Variants in CNBD1 observed in about 807,000 individuals in gnomAD.
CNBD1 encodes cyclic nucleotide binding domain containing 1.
Under a neutral mutation model 54.4 loss-of-function variants are expected in CNBD1, and 71 were observed. That is an observed-to-expected ratio of 1.30 (90% CI 1.08 to 1.59). The LOEUF (loss-of-function observed/expected upper bound fraction) is 1.59. Ranked by LOEUF, CNBD1 falls within the 40% of genes most tolerant of loss-of-function variation. The pLI, the probability that CNBD1 is intolerant of heterozygous loss-of-function variation, is 0.00. For synonymous variants in CNBD1, 182 were observed against 170.7 expected, an observed-to-expected ratio of 1.07 and a Z score of -0.51; for missense variants, 659 against 518.0, an observed-to-expected ratio of 1.27 and a Z score of -2.64.
At chr8:86,913,901 C>T (rs1809143667) in intron 3 of CNBD1, among the ~76,000 whole-genome samples, 3 of 152,084 alleles carry the variant, frequency 2.0e-5, no homozygotes. Flanking sequence ...AGAGGCCCCG[C>T]CCTGGGAATG....
At chr8:86,904,831 CTG>C (rs1312843354) in intron 2 of CNBD1, among the ~76,000 whole-genome samples, 4 of 152,008 alleles carry the variant, frequency 2.6e-5, no homozygotes, top group African/African-American at 7.2e-5. Flanking sequence ...TTTAAAAAGA[CTG>C]AACTTCAAAA....
chr8:87,317,386 C>T (rs1365651113), intron 8 of CNBD1, among the ~76,000 whole-genome samples: 1 of 151,350 alleles, frequency 6.6e-6, no homozygotes, highest in Non-Finnish European at 1.5e-5. Flanking sequence ...TTTTTGTTTT[C>T]ATCTCACTCA....
intron 4 of CNBD1, among the ~76,000 whole-genome samples, chr8:87,134,133 G>T (rs939463225): frequency 6.6e-6 from 1 of 152,152 alleles, no homozygotes; most frequent in Admixed American, 6.5e-5. Flanking sequence ...TACTAACTGT[G>T]CAATTTAGTG....
intron 2 of CNBD1, among the ~76,000 whole-genome samples, chr8:86,897,002 T>G (rs73268032): frequency 0.019 from 2,939 of 152,148 alleles, 97 homozygotes; most frequent in African/African-American, 0.065. Flanking sequence ...ACTATAAAAG[T>G]TTGATAACTT....
chr8:87,079,458 C>A (rs1007910849), intron 4 of CNBD1, among the ~76,000 whole-genome samples: 2 of 152,000 alleles, frequency 1.3e-5, no homozygotes, highest in African/African-American at 4.8e-5. Flanking sequence ...GTCTCAGTTA[C>A]CTTCATATTT....
intron 4 of CNBD1, among the ~76,000 whole-genome samples, chr8:87,066,594 T>C (rs552254238): frequency 6.6e-6 from 1 of 152,068 alleles, no homozygotes; most frequent in South Asian, 2.1e-4. Flanking sequence ...GTCAAATATA[T>C]TGATTGTGTA....
chr8:87,126,649 T>C (rs540947087), intron 4 of CNBD1, among the ~76,000 whole-genome samples: 127 of 152,140 alleles, frequency 8.3e-4, no homozygotes, highest in South Asian at 3.5e-3. Context: ...TTTTAAATTT[T>C]GATGAAGTTT....
chr8:87,085,892 G>T (rs1811085688), intron 4 of CNBD1, among the ~76,000 whole-genome samples: 1 of 152,106 alleles, frequency 6.6e-6, no homozygotes, highest in South Asian at 2.1e-4. Context: ...TAGGATTAGG[G>T]TTTATTTGTC....
At chr8:87,247,316 A>G (rs1807826050) in intron 6 of CNBD1, among the ~76,000 whole-genome samples, 1 of 152,174 alleles carries the variant, frequency 6.6e-6, no homozygotes, top group Admixed American at 6.6e-5. Flanking sequence ...GTTTGGAAGT[A>G]ATGCTCCAAC....
At chr8:87,065,543 G>A (rs1810631088) in intron 4 of CNBD1, among the ~76,000 whole-genome samples, 1 of 151,826 alleles carries the variant, frequency 6.6e-6, no homozygotes, top group Non-Finnish European at 1.5e-5. Flanking sequence ...GCAGTTCTTT[G>A]AGGAACCAAA....
chr8:87,316,632 C>T (rs780497579), intron 8 of CNBD1, among the ~76,000 whole-genome samples: 1 of 150,926 alleles, frequency 6.6e-6, no homozygotes, highest in Non-Finnish European at 1.5e-5. Flanking sequence ...TTTTTTTTTG[C>T]AATAGGAAAC....
intron 6 of CNBD1, among the ~76,000 whole-genome samples, chr8:87,256,395 T>A (rs1808026770): frequency 1.3e-5 from 2 of 152,022 alleles, no homozygotes; most frequent in African/African-American, 2.4e-5. Context: ...AGTTACATTA[T>A]TTTTTAGAAT....
chr8:87,255,156 T>C (rs904322598), intron 6 of CNBD1, among the ~76,000 whole-genome samples: 5 of 152,076 alleles, frequency 3.3e-5, no homozygotes, highest in African/African-American at 4.8e-5. Flanking sequence ...TGCATTTCAG[T>C]TGGATTATGT....
intron 2 of CNBD1, among the ~76,000 whole-genome samples, chr8:86,894,077 C>A (rs1289038554): frequency 2.2e-5 from 1 of 45,124 alleles, no homozygotes; most frequent in Non-Finnish European, 4.4e-5. Context: ...TTTTTTGAGA[C>A]GGAGTCTCGC....
At chr8:87,209,094 G>A (rs1814037605) in intron 5 of CNBD1, among the ~76,000 whole-genome samples, 1 of 151,940 alleles carries the variant, frequency 6.6e-6, no homozygotes, top group Non-Finnish European at 1.5e-5. Flanking sequence ...ATCTTTAGCT[G>A]AGATTTAGTA....
At position 87,030,347 on chromosome 8, in the gene CNBD1, A is replaced by G. The variant is rs551810558; in HGVS notation, c.431+90593A>G. ...TTGCTAAGGGAATGGAGAAATAAGC[A>G]TTAAAACAGAAGATACTCTTGGAAT... On this transcript the variant is annotated intron_variant, in intron 4 of 10. Transcript: ENST00000518476. Among the ~76,000 whole-genome samples, 9 of 152,370 alleles carry G rather than the reference A, an allele frequency of 5.9e-5. No individual in the cohort carries two copies. In the East Asian group the frequency reaches 1.5e-3, roughly 26 times the overall value.
At chr8:87,367,222 A>G (rs1401676748) in intron 10 of CNBD1, among the ~76,000 whole-genome samples, 2 of 152,040 alleles carry the variant, frequency 1.3e-5, no homozygotes, top group Non-Finnish European at 2.9e-5. Flanking sequence ...GCAGCCACTT[A>G]TGTAGCTTGT....
chr8:87,253,768 C>T (rs1807955212), intron 6 of CNBD1, among the ~76,000 whole-genome samples: 2 of 151,998 alleles, frequency 1.3e-5, no homozygotes, highest in African/African-American at 4.8e-5. Flanking sequence ...AGTACAGTTG[C>T]CATTGGGAGA....
chr8:87,013,427 T>C (rs973917115), intron 4 of CNBD1, among the ~76,000 whole-genome samples: 11 of 152,136 alleles, frequency 7.2e-5, no homozygotes, highest in Non-Finnish European at 1.3e-4. Context: ...TGAAGTAATA[T>C]GGTCTTTGTG....
Sources: gnomAD v4.1 joint callset for allele counts (sites outside exome capture counted in the v4.1 genomes callset) on GRCh38, gnomAD v4.1.1 for gene constraint, MANE v1.5 for transcripts, NCBI Gene and HGNC (gene_info 2026-07-23, HGNC 2026-07-21) for gene names.